The following DCHS2 variants were observed in gnomAD, a reference collection of about 807,000 sequenced individuals.
DCHS2 encodes protocadherin-23.
Under a neutral mutation model 182.4 loss-of-function variants are expected in DCHS2, and 142 were observed. That is an observed-to-expected ratio of 0.78 (90% CI 0.68 to 0.89). DCHS2 has a LOEUF of 0.89. Among genes scored for constraint, DCHS2 ranks in the 40% least tolerant of loss-of-function variants. The pLI, the probability that DCHS2 is intolerant of heterozygous loss-of-function variation, is 0.00. For missense variants in DCHS2, 4,319 were observed against 4,198.6 expected (o/e 1.03, Z -0.79); for synonymous variants, 1,740 against 1,663.3 (o/e 1.05, Z -1.12).
At chr4:154,443,097 A>G (rs1192565937) in intron 1 of DCHS2, among the ~76,000 whole-genome samples, 1 of 151,852 alleles carries the variant, frequency 6.6e-6, no homozygotes, top group African/African-American at 2.4e-5. Context: ...CCACCGCCTC[A>G]TGCCCTCACT....
At chr4:154,428,293 A>C (rs1907151) in intron 1 of DCHS2, among the ~76,000 whole-genome samples, 121,601 of 151,864 alleles carry the variant, frequency 0.8, 52,299 homozygotes, top group Non-Finnish European at 0.95. Flanking sequence ...ATAATCCCAG[A>C]ACTTTGGAAG....
chr4:154,334,966 G>T lies in DCHS2; in HGVS notation c.2615C>A (p.Ala872Glu). 6.2e-7 allele frequency: 1 copy of T among 1,614,140 alleles called. No homozygotes were observed. Among genetic ancestry groups the T allele is most frequent in the Non-Finnish European group, 8.5e-7 (1 of 1,179,976 alleles). Residue 872 changes from alanine to glutamate, a missense_variant, in exon 4 of 20, where the codon GCA (alanine) becomes GAA (glutamate). Coordinates refer to ENST00000357232, the MANE Select transcript of DCHS2 (RefSeq NM_001358235.2). ...CTTAGGCCTTTCAAACTCAGCAGGTGCCAGAGTTGTCTGGAAAATGTGTAT... is the reference window on the plus strand; with the variant it reads ...CTTAGGCCTTTCAAACTCAGCAGGTTCCAGAGTTGTCTGGAAAATGTGTAT... ...VTIHIFQTTLAPAEFERPKYT... is the reference protein window; with the variant it reads ...VTIHIFQTTLEPAEFERPKYT...
intron 1 of DCHS2, among the ~76,000 whole-genome samples, chr4:154,424,689 C>T (rs1428721376): frequency 2.0e-5 from 3 of 152,162 alleles, no homozygotes; most frequent in Admixed American, 6.5e-5. Context: ...TGTCAGAAAC[C>T]TTATAGGGTC....
intron 1 of DCHS2, among the ~76,000 whole-genome samples, chr4:154,433,558 C>A (rs774787681): frequency 6.6e-6 from 1 of 152,016 alleles, no homozygotes; most frequent in Non-Finnish European, 1.5e-5. Flanking sequence ...CCATGCCCGG[C>A]TAATTTATGT....
At chr4:154,362,428 G>A (rs1407495789) in intron 3 of DCHS2, among the ~76,000 whole-genome samples, 3 of 152,154 alleles carry the variant, frequency 2.0e-5, no homozygotes, top group African/African-American at 7.2e-5. Context: ...ATTTCTAGAT[G>A]TTATTTATTC....
chr4:154,270,698 C>T (rs893071759), intron 13 of DCHS2, among the ~76,000 whole-genome samples: 3 of 151,174 alleles, frequency 2.0e-5, no homozygotes, highest in African/African-American at 7.3e-5. Flanking sequence ...TAAGATAATA[C>T]TGCAATAGTC....
intron 10 of DCHS2, among the ~76,000 whole-genome samples, chr4:154,312,186 A>G (rs1289057121): frequency 6.6e-6 from 1 of 152,192 alleles, no homozygotes; most frequent in South Asian, 2.1e-4. Flanking sequence ...GAAATGCTCT[A>G]TAATCTAACC....
In DCHS2 at chr4:154,476,436, C is replaced by T. The variant is rs562093084; in HGVS notation, c.2052+12868G>A. ...ACAACACAAAAAGGGTATTAATTGTCTTACTGTTGTGTAATGTTTATGGCA... is the reference window on the plus strand; with the variant it reads ...ACAACACAAAAAGGGTATTAATTGTTTTACTGTTGTGTAATGTTTATGGCA... On this transcript the variant is annotated intron_variant, in intron 1 of 19. Transcript: ENST00000357232. Among the ~76,000 whole-genome samples, 9 of 152,270 alleles carry T rather than the reference C, an allele frequency of 5.9e-5. 1 individual carries two copies. In the South Asian group the frequency reaches 1.9e-3, roughly 32 times the overall value.
intron 16 of DCHS2, among the ~76,000 whole-genome samples, chr4:154,252,781 C>A (rs1732443165): frequency 6.6e-6 from 1 of 151,924 alleles, no homozygotes; most frequent in South Asian, 2.1e-4. Context: ...AATATTACTG[C>A]AATAAATTGT....
intron 1 of DCHS2, among the ~76,000 whole-genome samples, chr4:154,382,918 A>C (rs112015602): frequency 4.6e-5 from 7 of 152,360 alleles, no homozygotes; most frequent in African/African-American, 1.7e-4. Context: ...AAATTAGTTC[A>C]GCCACTGTGG....
At position 154,324,395 on chromosome 4, in the gene DCHS2, C is replaced by T. The variant is rs1284385452; in HGVS notation, c.4019-1907G>A. ...CCTGACATCATCATTTCTCCAAGGA[C>T]TCCTGGTTCCTTTGGTGGAAAATGG... On this transcript the variant is annotated intron_variant, in intron 7 of 19. Transcript: ENST00000357232. 2.0e-5 allele frequency among the ~76,000 whole-genome samples: 3 copies of T among 152,116 alleles called. 1 individual carries two copies. Among genetic ancestry groups the T allele is most frequent in the South Asian group, 4.1e-4 (2 of 4,828 alleles).
intron 13 of DCHS2, among the ~76,000 whole-genome samples, chr4:154,283,506 C>A: frequency 6.7e-6 from 1 of 150,282 alleles, no homozygotes; most frequent in African/African-American, 2.4e-5. Flanking sequence ...TTAATGCATG[C>A]AATGAGAAGT....
At chr4:154,470,703 A>G (rs1298161062) in intron 1 of DCHS2, among the ~76,000 whole-genome samples, 1 of 152,194 alleles carries the variant, frequency 6.6e-6, no homozygotes, top group Non-Finnish European at 1.5e-5. Context: ...AAAAGTCCTA[A>G]AAGTTTAACT....
chr4:154,446,050 C>T (rs576362642), intron 1 of DCHS2, among the ~76,000 whole-genome samples: 3 of 152,334 alleles, frequency 2.0e-5, no homozygotes, highest in African/African-American at 7.2e-5. Context: ...ATTTCATCTA[C>T]ATTTTCCTGT....
At position 154,233,248 on chromosome 4, in the gene DCHS2, C is replaced by G. The variant is rs920546166; in HGVS notation, c.*1288G>C. On this transcript the variant is annotated 3_prime_UTR_variant, in exon 20 of 20. Transcript: ENST00000357232. ...CCACCATCGTCAGGATGCTGTCCAC[C>G]TTCCTGAAAGGGATGAGAATCTGTG... is the stretch of plus-strand genomic sequence containing the variant. The G allele has an allele frequency of 6.6e-6, 1 of 152,142 alleles. No individual in the cohort carries two copies. The highest frequency in any genetic ancestry group is 1.5e-5 in the Non-Finnish European group (1 of 68,028). The allele number at this position is 152,142 out of a possible 1,614,324, so 9.4% of individuals were successfully genotyped here. A position where few individuals can be genotyped will look rare whatever the true frequency, so the allele number is the denominator to read the frequency against.
At chr4:154,393,802 C>G (rs1372055686) in intron 1 of DCHS2, among the ~76,000 whole-genome samples, 1 of 152,128 alleles carries the variant, frequency 6.6e-6, no homozygotes, top group Non-Finnish European at 1.5e-5. Flanking sequence ...GAATTAATTA[C>G]ATTATGTCCT....
rs377385530 is a variant in DCHS2 at position 154,459,301 on chromosome 4, G to C, written c.2052+30003C>G. ...AACCCTGAGAGGGAAGGTTAGGATT[G>C]AAGCATTTGCCCAAGTGATAAAACT... On this transcript the variant is annotated intron_variant, in intron 1 of 19. Coordinates refer to ENST00000357232, the MANE Select transcript of DCHS2 (RefSeq NM_001358235.2). Among the ~76,000 whole-genome samples, 4 of 152,126 alleles carry C rather than the reference G, an allele frequency of 2.6e-5. No individual in the cohort carries two copies. The East Asian group carries it at 7.7e-4, about 29-fold the overall frequency.
intron 1 of DCHS2, among the ~76,000 whole-genome samples, chr4:154,423,330 T>C (rs1294911283): frequency 1.3e-5 from 2 of 152,222 alleles, no homozygotes; most frequent in South Asian, 2.1e-4. Context: ...CCAGTTTCTT[T>C]CCTAGAACAT....
chr4:154,375,986 G>A (rs1181093737), intron 2 of DCHS2, among the ~76,000 whole-genome samples: 1 of 152,022 alleles, frequency 6.6e-6, no homozygotes, highest in Non-Finnish European at 1.5e-5. Context: ...AACACATACT[G>A]TATGATTCCA....
Sources: allele counts gnomAD v4.1 joint callset (sites outside exome capture counted in the v4.1 genomes callset), GRCh38; gene constraint gnomAD v4.1.1; transcripts MANE v1.5; gene names NCBI Gene and HGNC (gene_info 2026-07-23, HGNC 2026-07-21).